KHDRBS2: variants seen among roughly 807,000 people sequenced by gnomAD.
KHDRBS2 encodes the protein KH RNA binding domain containing, signal transduction associated 2, also known as KH domain-containing, RNA-binding, signal transduction-associated protein 2.
A neutral mutation model predicts 44.3 loss-of-function variants in KHDRBS2; 26 were observed. The ratio of observed to expected loss-of-function variants is 0.59; its 90% CI spans 0.43 to 0.81. KHDRBS2 has a LOEUF of 0.81. Among genes scored for constraint, KHDRBS2 ranks in the 40% least tolerant of loss-of-function variants. The probability of loss-of-function intolerance (pLI) is 0.00; values close to 1 mark genes in which losing one functional copy is unlikely to be tolerated. For missense variants in KHDRBS2, 476 were observed against 433.1 expected (o/e 1.10, Z -0.88); for synonymous variants, 194 against 151.1 (o/e 1.28, Z -2.08).
At chr6:61,893,932 A>G (rs988558702) in intron 6 of KHDRBS2, among the ~76,000 whole-genome samples, 4 of 152,078 alleles carry the variant, frequency 2.6e-5, no homozygotes, top group Non-Finnish European at 5.9e-5. Flanking sequence ...AAGACTTCCT[A>G]TTGTTACACT....
intron 2 of KHDRBS2, among the ~76,000 whole-genome samples, chr6:62,147,930 A>G (rs1332249477): frequency 6.6e-6 from 1 of 152,032 alleles, no homozygotes; most frequent in African/African-American, 2.4e-5. Context: ...AGTTTTATCC[A>G]TTTTGGAACT....
At chr6:61,894,916 C>A (rs1309959304) in intron 5 of KHDRBS2, 83 bp from the exon 6 acceptor site, 5 of 824,180 alleles carry the variant, frequency 6.1e-6, no homozygotes, top group Non-Finnish European at 5.9e-6. Flanking sequence ...CATCTCACAG[C>A]CTCCATACAA....
intron 4 of KHDRBS2, among the ~76,000 whole-genome samples, chr6:61,943,842 C>T (rs896905765): frequency 2.0e-5 from 3 of 151,832 alleles, no homozygotes; most frequent in African/African-American, 7.3e-5. Flanking sequence ...AAAAAATGGG[C>T]AAAGGACAAG....
the KHDRBS2 span, among the ~76,000 whole-genome samples, chr6:61,590,753 C>T: frequency 9.5e-3 from 1,444 of 152,194 alleles, 29 homozygotes; most frequent in African/African-American, 0.033. Flanking sequence ...AACAATATGA[C>T]ATAGTTATTC....
rs11967269 is a variant in KHDRBS2 at position 62,070,702 on chromosome 6, G to T, written c.220-22708C>A. Among the ~76,000 whole-genome samples the T allele has an allele frequency of 1.4e-3, 213 of 152,244 alleles. 1 individual carries two copies. Among genetic ancestry groups the T allele is most frequent in the African/African-American group, 5.0e-3 (206 of 41,540 alleles). The stretch of plus-strand genomic sequence containing the variant: ...TTTTATGGCTGCATAGTATTCCATG[G>T]TGTATATGTGCCACATTTTCTTAAT... On this transcript the variant is annotated intron_variant, in intron 2 of 8. Coordinates refer to ENST00000281156, the MANE Select transcript of KHDRBS2 (RefSeq NM_152688.4).
the KHDRBS2 span, among the ~76,000 whole-genome samples, chr6:61,608,028 T>G: frequency 2.0e-5 from 3 of 152,256 alleles, no homozygotes; most frequent in South Asian, 6.2e-4. Context: ...ACTTCAAAAT[T>G]GATCTTTAAA....
chr6:61,674,752 C>T, the KHDRBS2 span, among the ~76,000 whole-genome samples: 2 of 151,772 alleles, frequency 1.3e-5, no homozygotes, highest in South Asian at 2.1e-4. Context: ...CCTTTTGATA[C>T]TGAAACTTTG....
the KHDRBS2 span, among the ~76,000 whole-genome samples, chr6:61,620,415 T>C: frequency 6.6e-6 from 1 of 152,320 alleles, no homozygotes; most frequent in African/African-American, 2.4e-5. Context: ...CCAGAGAGTA[T>C]ACAGTTAGTA....
chr6:61,598,837 C>CTTTTTTTTT, the KHDRBS2 span, among the ~76,000 whole-genome samples: 4 of 65,514 alleles, frequency 6.1e-5, no homozygotes, highest in Non-Finnish European at 3.3e-5. Context: ...TTTTTCTTTT[C>CTTTTTTTTT]TTTTTTTTTT....
chr6:61,922,361 G>C (rs1402554132), intron 4 of KHDRBS2, among the ~76,000 whole-genome samples: 1 of 152,064 alleles, frequency 6.6e-6, no homozygotes, highest in East Asian at 1.9e-4. Context: ...AATCTAGGTA[G>C]AGTCCAGCAA....
At chr6:62,213,873 C>CGAAAAA (rs1829525971) in intron 1 of KHDRBS2, among the ~76,000 whole-genome samples, 1 of 41,486 alleles carries the variant, frequency 2.4e-5, no homozygotes, top group African/African-American at 9.2e-5. Flanking sequence ...GACTCCATCT[C>CGAAAAA]AAAAAAAAAA....
At chr6:62,172,410 A>C (rs1472394443) in intron 2 of KHDRBS2, among the ~76,000 whole-genome samples, 1 of 152,142 alleles carries the variant, frequency 6.6e-6, no homozygotes, top group Non-Finnish European at 1.5e-5. Flanking sequence ...TGCATGCAAC[A>C]TAGGAGTACC....
chr6:62,039,365 C>T, intron 3 of KHDRBS2, among the ~76,000 whole-genome samples: 1 of 151,502 alleles, frequency 6.6e-6, no homozygotes, highest in Middle Eastern at 3.4e-3. Context: ...TATAGAATTT[C>T]ATACAATTTT....
At chr6:62,278,176 A>G (rs1399038491) in intron 1 of KHDRBS2, among the ~76,000 whole-genome samples, 4 of 152,246 alleles carry the variant, frequency 2.6e-5, no homozygotes, top group Admixed American at 6.5e-5. Context: ...TGATGCCAGA[A>G]TATAATTCCA....
the KHDRBS2 span, among the ~76,000 whole-genome samples, chr6:61,657,184 A>C: frequency 6.6e-6 from 1 of 151,980 alleles, no homozygotes; most frequent in African/African-American, 2.4e-5. Context: ...TGTCATCATT[A>C]TCAAAGTAGT....
chr6:61,560,776 G>C, the KHDRBS2 span, among the ~76,000 whole-genome samples: 10 of 152,068 alleles, frequency 6.6e-5, no homozygotes, highest in Non-Finnish European at 1.5e-4. Flanking sequence ...TTCTCTTTCT[G>C]AAAGGTCACT....
intron 6 of KHDRBS2, among the ~76,000 whole-genome samples, chr6:61,874,593 CTG>C (rs1799143481): frequency 1.3e-5 from 2 of 152,242 alleles, no homozygotes; most frequent in South Asian, 2.1e-4. Flanking sequence ...GTAGAGAAAG[CTG>C]TGTCTTAAAG....
intron 6 of KHDRBS2, among the ~76,000 whole-genome samples, chr6:61,769,881 C>T (rs1350506018): frequency 6.6e-6 from 1 of 152,202 alleles, no homozygotes; most frequent in East Asian, 1.9e-4. Flanking sequence ...AATGGGCAGA[C>T]TGACTCCTCA....
At chr6:62,066,861 G>A (rs536211990) in intron 2 of KHDRBS2, among the ~76,000 whole-genome samples, 1 of 151,444 alleles carries the variant, frequency 6.6e-6, no homozygotes, top group Admixed American at 6.6e-5. Flanking sequence ...GATTATTCAA[G>A]GTTTGGGCTG....
Sources: gnomAD v4.1 joint callset for allele counts (sites outside exome capture counted in the v4.1 genomes callset) on GRCh38, gnomAD v4.1.1 for gene constraint, MANE v1.5 for transcripts, NCBI Gene and HGNC (gene_info 2026-07-23, HGNC 2026-07-21) for gene names.